CPD: variants seen among roughly 807,000 people sequenced by gnomAD.
CPD encodes metallocarboxypeptidase D.
Under a neutral mutation model 138.3 loss-of-function variants are expected in CPD, and 69 were observed. The ratio of observed to expected loss-of-function variants is 0.50; its 90% CI spans 0.41 to 0.61. The LOEUF (loss-of-function observed/expected upper bound fraction) is 0.61. Ranked by LOEUF, CPD falls within the 20% of genes least tolerant of loss-of-function variation. The pLI, the probability that CPD is intolerant of heterozygous loss-of-function variation, is 0.00. For missense variants in CPD, 1,432 were observed against 1,733.3 expected (o/e 0.83, Z 3.09); for synonymous variants, 651 against 642.1 (o/e 1.01, Z -0.21).
intron 7 of CPD, among the ~76,000 whole-genome samples, chr17:30,430,311 C>T (rs971829360): frequency 1.3e-5 from 2 of 152,162 alleles, no homozygotes; most frequent in Non-Finnish European, 2.9e-5. Flanking sequence ...CCCTCAACCT[C>T]TGGTAACCAC....
chr17:30,449,860 T>A, intron 13 of CPD, 112 bp downstream of exon 13: 1 of 848,940 alleles, frequency 1.2e-6, no homozygotes, highest in Non-Finnish European at 1.8e-6. Context: ...GAGTCACTTG[T>A]AGTACATTAT....
chr17:30,415,022 G>A (rs1226784913), intron 2 of CPD, among the ~76,000 whole-genome samples: 1 of 152,162 alleles, frequency 6.6e-6, no homozygotes, highest in African/African-American at 2.4e-5. Flanking sequence ...ATTATACCAA[G>A]GAAATAAGTA....
rs1256128378 is a variant in CPD at position 30,461,194 on chromosome 17, C to T, written c.3513C>T (p.Thr1171=). 1 of 1,602,096 alleles carries T rather than the reference C, an allele frequency of 6.2e-7. No homozygotes were observed. Among genetic ancestry groups the T allele is most frequent in the Non-Finnish European group, 8.5e-7 (1 of 1,175,294 alleles). ...HLGSMKDYSV[T]YGHCPEITVY... ...TTATATTCTAGGATTATAGTGTCAC[C>T]TATGGCCATTGTCCGGAAATCACAG... Residue 1171 remains threonine, a synonymous_variant, in exon 18 of 21, where the codon ACC becomes ACT. Transcript: ENST00000225719.
chr17:30,418,967 C>T (rs567238288), intron 2 of CPD, among the ~76,000 whole-genome samples: 3 of 152,204 alleles, frequency 2.0e-5, no homozygotes, highest in Non-Finnish European at 4.4e-5. Flanking sequence ...GGTGCGTACA[C>T]TTAACCTAAC....
At chr17:30,398,523 T>C (rs558038118) in intron 2 of CPD, among the ~76,000 whole-genome samples, 2 of 152,260 alleles carry the variant, frequency 1.3e-5, no homozygotes, top group South Asian at 4.1e-4. Context: ...TAGCTGCAGC[T>C]GTTATTAATG....
intron 2 of CPD, among the ~76,000 whole-genome samples, chr17:30,398,911 A>G (rs971748482): frequency 6.6e-6 from 1 of 151,456 alleles, no homozygotes; most frequent in Non-Finnish European, 1.5e-5. Flanking sequence ...ATGAATAAAG[A>G]CGTTTTGATA....
chr17:30,408,178 G>A (rs964331665), intron 2 of CPD, among the ~76,000 whole-genome samples: 1 of 151,840 alleles, frequency 6.6e-6, no homozygotes, highest in African/African-American at 2.4e-5. Context: ...ATCTGTTTTG[G>A]TACCAGTACT....
At position 30,469,973 on chromosome 17, in the gene CPD, A is replaced by G. The variant is rs566640493; in HGVS notation, c.*5159A>G. On this transcript the variant is annotated 3_prime_UTR_variant, in exon 21 of 21. Transcript: ENST00000225719. ...GCTGATTGTTCTCAGCAAATTAAACATGATGGTCAACGCTAATACTACTCA... is the reference window on the plus strand; with the variant it reads ...GCTGATTGTTCTCAGCAAATTAAACGTGATGGTCAACGCTAATACTACTCA... 1.3e-5 allele frequency: 2 copies of G among 152,260 alleles called. No homozygotes were observed. The highest frequency in any genetic ancestry group is 3.9e-4 in the East Asian group (2 of 5,178). 9.4% of individuals were successfully genotyped at this position (152,260 alleles called of 1,614,324 possible).
chr17:30,438,709 G>A (rs1443296011), intron 8 of CPD, among the ~76,000 whole-genome samples: 4 of 152,026 alleles, frequency 2.6e-5, no homozygotes, highest in South Asian at 2.1e-4. Flanking sequence ...TTGTAATTGC[G>A]AGTAATAAAT....
At chr17:30,429,088 C>T (rs940331935) in intron 7 of CPD, among the ~76,000 whole-genome samples, 2 of 151,978 alleles carry the variant, frequency 1.3e-5, no homozygotes, top group African/African-American at 4.8e-5. Context: ...TGAAAGATTG[C>T]CAATAGTAGA....
In CPD at chr17:30,449,722, T is replaced by C. The variant is rs1913117076; in HGVS notation, c.3043T>C (p.Tyr1015His). 6.3e-7 allele frequency: 1 copy of C among 1,574,968 alleles called. No homozygotes were observed. Among genetic ancestry groups the C allele is most frequent in the South Asian group, 1.2e-5 (1 of 83,814 alleles). Residue 1015 changes from tyrosine to histidine, a missense_variant, in exon 13 of 21, where the codon TAC (tyrosine) becomes CAC (histidine). Transcript: ENST00000225719. ...TCTGGCAGAATTTCTCTGCCTGAAC[T>C]ACAAAAAGAACCCAGCTGTTACCCA... Reference protein sequence around the residue: ...LALAEFLCLNYKKNPAVTQLV... With the variant: ...LALAEFLCLNHKKNPAVTQLV...
chr17:30,398,326 T>C (rs1281393170), intron 2 of CPD, among the ~76,000 whole-genome samples: 1 of 152,158 alleles, frequency 6.6e-6, no homozygotes. Context: ...TTGCAGATCA[T>C]TTATACTATT....
chr17:30,461,825 A>G (rs1913483815), intron 18 of CPD, 52 bp from the exon 19 acceptor site: 2 of 1,473,010 alleles, frequency 1.4e-6, no homozygotes, highest in African/African-American at 2.8e-5. Flanking sequence ...TAGTGCCTCT[A>G]CCATGTCTGG....
At chr17:30,432,597 G>A (rs2143442510) in intron 8 of CPD, among the ~76,000 whole-genome samples, 1 of 152,174 alleles carries the variant, frequency 6.6e-6, no homozygotes, top group Admixed American at 6.6e-5. Flanking sequence ...GTGTGTGTGT[G>A]AAAATTTAAT....
chr17:30,458,873 A>T (rs1913373984), intron 17 of CPD, among the ~76,000 whole-genome samples: 1 of 151,954 alleles, frequency 6.6e-6, no homozygotes, highest in African/African-American at 2.4e-5. Context: ...CTCAAAAAAA[A>T]AAAAAAGAAA....
intron 2 of CPD, among the ~76,000 whole-genome samples, chr17:30,391,886 T>C (rs907284758): frequency 1.4e-4 from 21 of 152,178 alleles, no homozygotes; most frequent in African/African-American, 3.9e-4. Context: ...TTTTATTCCA[T>C]TTTCTATTTC....
chr17:30,423,085 CTA>C, intron 5 of CPD, 62 bp downstream of exon 5: 1 of 1,262,600 alleles, frequency 7.9e-7, no homozygotes, highest in Non-Finnish European at 1.1e-6. Flanking sequence ...TTCAATATTG[CTA>C]TGTTTCATTC....
intron 19 of CPD, 51 bp downstream of exon 19, chr17:30,462,113 A>G (rs762253981): frequency 2.0e-6 from 3 of 1,466,444 alleles, no homozygotes; most frequent in Non-Finnish European, 1.8e-6. Flanking sequence ...TCTTAATAAT[A>G]CTTCTGTTTT....
chr17:30,392,709 A>G (rs893529544), intron 2 of CPD, among the ~76,000 whole-genome samples: 12 of 152,228 alleles, frequency 7.9e-5, no homozygotes, highest in African/African-American at 2.9e-4. Flanking sequence ...AATTCTAAGT[A>G]GGAACAAAAC....
Sources: gnomAD v4.1 joint callset for allele counts (sites outside exome capture counted in the v4.1 genomes callset) on GRCh38, gnomAD v4.1.1 for gene constraint, MANE v1.5 for transcripts, NCBI Gene and HGNC (gene_info 2026-07-23, HGNC 2026-07-21) for gene names.